Variants in TRERF1 observed in about 807,000 individuals in gnomAD.
TRERF1 encodes the protein transcriptional-regulating factor 1.
A neutral mutation model predicts 122.9 loss-of-function variants in TRERF1; 27 were observed. The ratio of observed to expected loss-of-function variants is 0.22; its 90% CI spans 0.16 to 0.30. The LOEUF (loss-of-function observed/expected upper bound fraction) is 0.30, where lower values mean the gene tolerates loss of function less well. Among genes scored for constraint, TRERF1 ranks in the 10% least tolerant of loss-of-function variants. The pLI, the probability that TRERF1 is intolerant of heterozygous loss-of-function variation, is 1.00. For missense variants in TRERF1, 1,248 were observed against 1,560.3 expected (o/e 0.80, Z 3.37); for synonymous variants, 636 against 641.7 (o/e 0.99, Z 0.13).
At chr6:42,289,548 C>T (rs1048989043) in intron 4 of TRERF1, among the ~76,000 whole-genome samples, 2 of 152,062 alleles carry the variant, frequency 1.3e-5, no homozygotes, top group African/African-American at 2.4e-5. Context: ...TTTGAGAACA[C>T]TGAAAATATA....
At chr6:42,310,457 T>C (rs1788046009) in intron 3 of TRERF1, among the ~76,000 whole-genome samples, 1 of 152,194 alleles carries the variant, frequency 6.6e-6, no homozygotes, top group African/African-American at 2.4e-5. Context: ...TTTCTGTACA[T>C]GGTGGAGCAG....
At chr6:42,372,715 A>G (rs1162067726) in intron 2 of TRERF1, among the ~76,000 whole-genome samples, 1 of 152,194 alleles carries the variant, frequency 6.6e-6, no homozygotes. Flanking sequence ...ATGGAGAGGG[A>G]TGAGAAGGTC....
intron 3 of TRERF1, among the ~76,000 whole-genome samples, chr6:42,350,882 C>T (rs890205948): frequency 3.3e-5 from 5 of 151,874 alleles, no homozygotes; most frequent in Non-Finnish European, 5.9e-5. Context: ...ATACACACAC[C>T]GCATAAAAAT....
intron 2 of TRERF1, among the ~76,000 whole-genome samples, chr6:42,445,596 A>T (rs111930910): frequency 1.5e-5 from 2 of 134,638 alleles, no homozygotes; most frequent in African/African-American, 6.6e-5. Context: ...CCCAACTAAA[A>T]TATCTTGATT....
At chr6:42,440,630 A>C (rs1786338001) in intron 2 of TRERF1, among the ~76,000 whole-genome samples, 1 of 152,276 alleles carries the variant, frequency 6.6e-6, no homozygotes, top group South Asian at 2.1e-4. Flanking sequence ...TCTGGGAGGT[A>C]AAAGATATCC....
At chr6:42,386,163 A>C (rs7741446) in intron 2 of TRERF1, among the ~76,000 whole-genome samples, 1 of 152,160 alleles carries the variant, frequency 6.6e-6, no homozygotes, top group Non-Finnish European at 1.5e-5. Flanking sequence ...TGAGGCCGAC[A>C]TGGTGAAACC....
intron 13 of TRERF1, among the ~76,000 whole-genome samples, chr6:42,250,767 G>C (rs1775612183): frequency 6.6e-6 from 1 of 152,062 alleles, no homozygotes; most frequent in Non-Finnish European, 1.5e-5. Context: ...CTAATTAACT[G>C]GATGAAACCG....
intron 4 of TRERF1, among the ~76,000 whole-genome samples, chr6:42,295,764 TA>T (rs1423036922): frequency 6.6e-6 from 1 of 152,120 alleles, no homozygotes; most frequent in Middle Eastern, 3.2e-3. Context: ...AATTTTAGAG[TA>T]GTTTTAGATT....
chr6:42,273,575 AG>A (rs1780626448), intron 4 of TRERF1, among the ~76,000 whole-genome samples: 1 of 152,246 alleles, frequency 6.6e-6, no homozygotes, highest in Non-Finnish European at 1.5e-5. Context: ...TATTCCAGAC[AG>A]GGAACAGCAT....
At chr6:42,398,109 A>C (rs1029962632) in intron 2 of TRERF1, among the ~76,000 whole-genome samples, 1 of 152,212 alleles carries the variant, frequency 6.6e-6, no homozygotes, top group Non-Finnish European at 1.5e-5. Context: ...AGGGGCCCTG[A>C]AGTCAGAGTC....
At chr6:42,338,565 G>C (rs1342475084) in intron 3 of TRERF1, among the ~76,000 whole-genome samples, 1 of 152,206 alleles carries the variant, frequency 6.6e-6, no homozygotes, top group Non-Finnish European at 1.5e-5. Flanking sequence ...CTGGAAAGCA[G>C]CAGTGTTACT....
chr6:42,435,414 G>A (rs559566562), intron 2 of TRERF1, among the ~76,000 whole-genome samples: 1 of 152,150 alleles, frequency 6.6e-6, no homozygotes, highest in Admixed American at 6.5e-5. Flanking sequence ...AGCCAGGCAT[G>A]GTGGTGCACT....
Position 42,269,207 on chromosome 6 carries a change from G to A in TRERF1, c.384C>T (p.Ser128=), listed in dbSNP as rs117151597. 1.7e-5 allele frequency: 28 copies of A among 1,614,196 alleles called. No individual in the cohort carries two copies. Among genetic ancestry groups the A allele is most frequent in the East Asian group, 2.2e-5 (1 of 44,884 alleles). ...TGGTAAGCTTCTGGGTCCGGATCTC[G>A]CTGGCCTGGGAGTAGGTGTATTGGT... The change falls in exon 5 of 18, where the codon AGC becomes AGT. Residue 128 remains serine, a synonymous_variant. Coordinates refer to ENST00000372922, the Ensembl canonical transcript of TRERF1. The surrounding 1 kb of genome is among the most constrained non-coding windows in gnomAD (Gnocchi z 4.9).
chr6:42,433,592 C>T (rs181802049), intron 2 of TRERF1, among the ~76,000 whole-genome samples: 9 of 152,234 alleles, frequency 5.9e-5, no homozygotes, highest in South Asian at 4.1e-4. Context: ...ACATTTTCCA[C>T]GGTAAAATGC....
Position 42,263,342 on chromosome 6 carries a change from G to A in TRERF1, c.1862C>T (p.Ser621Leu), listed in dbSNP as rs749326592. Residue 621 changes from serine (S) to leucine (L), a missense_variant, in exon 8 of 18, where the codon TCG becomes TTG. Coordinates refer to ENST00000372922, the Ensembl canonical transcript of TRERF1. This position sits in a 1 kb window ranked among gnomAD's most constrained non-coding sequence, Gnocchi z 5.6. ...CACGAGCACAGGCATCTCGTCGTCC[G>A]ACATCGAGCTGGCTGGCTTGTCTCT... 9.3e-6 allele frequency: 15 copies of A among 1,612,650 alleles called. No individual in the cohort carries two copies. The highest frequency in any genetic ancestry group is 8.4e-5 in the Admixed American group (5 of 59,750).
intron 13 of TRERF1, among the ~76,000 whole-genome samples, chr6:42,254,027 A>T (rs1258199198): frequency 1.3e-5 from 2 of 152,242 alleles, no homozygotes; most frequent in Non-Finnish European, 2.9e-5. Context: ...CATGGAAATG[A>T]AAATGTTGAC....
rs560939131 is a variant in TRERF1, at chr6:42,268,679, T to A, written c.912A>T (p.Pro304=). 4 of 1,614,148 alleles carry A rather than the reference T, an allele frequency of 2.5e-6. No homozygotes were observed. The highest frequency in any genetic ancestry group is 3.4e-6 in the Non-Finnish European group (4 of 1,180,010). The change falls in exon 5 of 18, where the codon CCA becomes CCT. Residue 304 remains proline, a synonymous_variant. Transcript: ENST00000372922. The surrounding 1 kb of genome is among the most constrained non-coding windows in gnomAD (Gnocchi z 4.4). Reference sequence around the variant, plus strand: ...GTAGCTGCTGCGGCTGCTGCTGCTGTGGCGGCGGCTGTGGCTGTGATGGGC... The same window carrying A: ...GTAGCTGCTGCGGCTGCTGCTGCTGAGGCGGCGGCTGTGGCTGTGATGGGC...
intron 2 of TRERF1, among the ~76,000 whole-genome samples, chr6:42,364,302 A>G (rs966924764): frequency 1.4e-4 from 22 of 152,146 alleles, no homozygotes; most frequent in Admixed American, 1.2e-3. Context: ...CGTCCTTTGC[A>G]GTGAGGCCCA....
At chr6:42,331,438 C>T (rs1409137456) in intron 3 of TRERF1, among the ~76,000 whole-genome samples, 2 of 152,146 alleles carry the variant, frequency 1.3e-5, no homozygotes, top group Admixed American at 6.5e-5. Context: ...GACTCTCCCT[C>T]CCTCCACCTG....
Sources: gnomAD v4.1 joint callset for allele counts (sites outside exome capture counted in the v4.1 genomes callset) on GRCh38, gnomAD v4.1.1 for gene constraint, Gnocchi (gnomAD v3.1) non-coding constraint, MANE v1.5 for transcripts, NCBI Gene and HGNC (gene_info 2026-07-23, HGNC 2026-07-21) for gene names.